The following KAZN variants were observed in gnomAD, a reference collection of about 807,000 sequenced individuals.
KAZN encodes the protein kazrin, periplakin interacting protein, also known as kazrin.
Under a neutral mutation model 87.4 loss-of-function variants are expected in KAZN, and 40 were observed. The observed-to-expected ratio is 0.46, with a 90% confidence interval of 0.36 to 0.60. The LOEUF (loss-of-function observed/expected upper bound fraction) is 0.60, where lower values mean the gene tolerates loss of function less well. Among genes scored for constraint, KAZN ranks in the 20% least tolerant of loss-of-function variants. The pLI, the probability that KAZN is intolerant of heterozygous loss-of-function variation, is 0.00. For missense variants in KAZN, 898 were observed against 1,073.9 expected, an observed-to-expected ratio of 0.84 and a Z score of 2.29; for synonymous variants, 466 against 458.3, an observed-to-expected ratio of 1.02 and a Z score of -0.22.
intron 2 of KAZN, among the ~76,000 whole-genome samples, chr1:14,530,970 G>A (rs925769655): frequency 6.6e-6 from 1 of 152,082 alleles, no homozygotes; most frequent in African/African-American, 2.4e-5. Context: ...CTACTCAAGA[G>A]GCTGAAGTGG....
Position 14,409,609 on chromosome 1 carries a change from C to T in KAZN, c.250-189374C>T, listed in dbSNP as rs573797892. On this transcript the variant is annotated intron_variant, in intron 2 of 16. Coordinates refer to the KAZN transcript ENST00000636203. ...ATATCCATGGGGAATCTATAAGAAG[C>T]CAACACAAAACGGCCAGAGAGACAT... Among the ~76,000 whole-genome samples the T allele has an allele frequency of 2.6e-5, 4 of 152,228 alleles. No homozygotes were observed. In the South Asian group the frequency reaches 8.3e-4, roughly 32 times the overall value.
chr1:14,311,938 C>T, intron 2 of KAZN, among the ~76,000 whole-genome samples: 1 of 152,030 alleles, frequency 6.6e-6, no homozygotes. Flanking sequence ...TGCCTAGATA[C>T]AAAAAGTAAA....
chr1:14,561,900 T>A (rs1172880524), intron 2 of KAZN, among the ~76,000 whole-genome samples: 1 of 143,674 alleles, frequency 7.0e-6, no homozygotes. Context: ...CAAAACTCCA[T>A]CTCAAAAAAA....
chr1:15,030,300 C>G (rs1252797142), intron 2 of KAZN, among the ~76,000 whole-genome samples: 3 of 152,106 alleles, frequency 2.0e-5, no homozygotes, highest in South Asian at 4.1e-4. Context: ...CAGAGTCTCA[C>G]TCTGTCTCCC....
At chr1:14,164,086 C>T (rs527347764) in intron 1 of KAZN, among the ~76,000 whole-genome samples, 10 of 152,320 alleles carry the variant, frequency 6.6e-5, no homozygotes, top group African/African-American at 2.4e-4. Flanking sequence ...ACTCTACTTC[C>T]AGGTATGAAA....
chr1:13,904,233 G>A (rs894113943), intron 1 of KAZN, among the ~76,000 whole-genome samples: 1 of 152,170 alleles, frequency 6.6e-6, no homozygotes, highest in African/African-American at 2.4e-5. Context: ...ACCTTCCTCA[G>A]CACAGAGGAA....
rs1030579176 is a variant in KAZN at position 14,945,492 on chromosome 1, G to T, written c.227-15192G>T. ...GAAAAATCCCAGATGGCGCCTTCTG[G>T]AAGCCCTAGCAGTCTCCGCACTGGC... is the stretch of plus-strand genomic sequence containing the variant. On this transcript the variant is annotated intron_variant, in intron 1 of 14. Transcript: ENST00000376030. Among the ~76,000 whole-genome samples, 3 of 152,146 alleles carry T rather than the reference G, an allele frequency of 2.0e-5. No individual in the cohort carries two copies. In the East Asian group the frequency reaches 5.8e-4, roughly 29 times the overall value.
intron 2 of KAZN, among the ~76,000 whole-genome samples, chr1:14,585,873 G>A (rs1675821733): frequency 6.6e-6 from 1 of 152,194 alleles, no homozygotes; most frequent in Non-Finnish European, 1.5e-5. Flanking sequence ...GGCTTCTGCT[G>A]ATTGTCTGTT....
chr1:14,065,834 A>G (rs1412974049), intron 1 of KAZN, among the ~76,000 whole-genome samples: 1 of 152,212 alleles, frequency 6.6e-6, no homozygotes, highest in Admixed American at 6.5e-5. Context: ...GAATATATAT[A>G]TAGGGTACAA....
At chr1:14,401,463 C>T (rs1173079719) in intron 2 of KAZN, among the ~76,000 whole-genome samples, 1 of 151,786 alleles carries the variant, frequency 6.6e-6, no homozygotes, top group East Asian at 1.9e-4. Context: ...ATTAAAATAA[C>T]TACATTGTCA....
Position 14,338,294 on chromosome 1 carries a change from C to T in KAZN, c.249+157702C>T, listed in dbSNP as rs902902345. 3.4e-5 allele frequency among the ~76,000 whole-genome samples: 5 copies of T among 145,558 alleles called. No individual in the cohort carries two copies. In the East Asian group the frequency reaches 8.1e-4, roughly 24 times the overall value. ...CTTGAGACTAGCCTGGCCAACATGGCGAAACCCCATCTCCACTAAAGAAAA... is the reference window on the plus strand; with the variant it reads ...CTTGAGACTAGCCTGGCCAACATGGTGAAACCCCATCTCCACTAAAGAAAA... On this transcript the variant is annotated intron_variant, in intron 2 of 16. Transcript: ENST00000636203.
chr1:14,244,690 G>T (rs1407224086), intron 2 of KAZN, among the ~76,000 whole-genome samples: 1 of 152,044 alleles, frequency 6.6e-6, no homozygotes, highest in East Asian at 1.9e-4. Flanking sequence ...GAACATTCCA[G>T]GCAGAGAGAA....
At position 14,735,217 on chromosome 1, in the gene KAZN, G is replaced by C. The variant is rs562473232; in HGVS notation, c.226+135994G>C. Among the ~76,000 whole-genome samples, 111 of 152,260 alleles carry C rather than the reference G, an allele frequency of 7.3e-4. No homozygotes were observed. The highest frequency in any genetic ancestry group is 2.5e-3 in the African/African-American group (104 of 41,552). On this transcript the variant is annotated intron_variant, in intron 1 of 14. Transcript: ENST00000376030. The surrounding 1 kb of genome is among the most constrained non-coding windows in gnomAD (Gnocchi z 4.3). Reference sequence around the variant, plus strand: ...TGGGACTACAGGCACCCGCCACCATGCCCGGCTAATTTTTTTGTATTTTTA... The same window carrying C: ...TGGGACTACAGGCACCCGCCACCATCCCCGGCTAATTTTTTTGTATTTTTA...
At chr1:14,604,586 A>G (rs1226736348) in intron 1 of KAZN, among the ~76,000 whole-genome samples, 1 of 152,228 alleles carries the variant, frequency 6.6e-6, no homozygotes, top group Non-Finnish European at 1.5e-5. Context: ...ACCCCCTTGG[A>G]GTCCTAGGCT....
At chr1:13,952,334 G>GATAATA (rs35005409) in intron 1 of KAZN, among the ~76,000 whole-genome samples, 88 of 143,078 alleles carry the variant, frequency 6.2e-4, no homozygotes, top group Middle Eastern at 3.7e-3. Context: ...ATAAAATGGA[G>GATAATA]ATAATAATAA....
chr1:15,001,465 C>CA (rs35048403), intron 2 of KAZN, among the ~76,000 whole-genome samples: 1,272 of 125,002 alleles, frequency 0.01, 12 homozygotes, highest in African/African-American at 0.031. Context: ...AAATCTGTCT[C>CA]AAAAAAAAAA....
rs79825472 is a variant in KAZN, at chr1:14,573,349, G to A, written c.250-25634G>A. On this transcript the variant is annotated intron_variant, in intron 2 of 16. Coordinates refer to the KAZN transcript ENST00000636203. Reference sequence around the variant, plus strand: ...TACACCTCTTTTCTACAAAATGGAAGCATTAGAATACACTAAAACCCGGGC... The same window carrying A: ...TACACCTCTTTTCTACAAAATGGAAACATTAGAATACACTAAAACCCGGGC... 3.6e-3 allele frequency among the ~76,000 whole-genome samples: 547 copies of A among 152,222 alleles called. 10 individuals carry two copies. Among genetic ancestry groups the A allele is most frequent in the East Asian group, 0.019 (99 of 5,174 alleles).
intron 1 of KAZN, 82 bp from the exon 2 acceptor site, chr1:14,960,602 A>G (rs1315755710): frequency 6.9e-7 from 1 of 1,454,764 alleles, no homozygotes; most frequent in Non-Finnish European, 9.3e-7. Flanking sequence ...AAAAAGCCAA[A>G]GCCACCTCAA....
At chr1:14,730,179 G>A (rs1251111993) in intron 1 of KAZN, among the ~76,000 whole-genome samples, 3 of 152,098 alleles carry the variant, frequency 2.0e-5, no homozygotes, top group Admixed American at 1.3e-4. Context: ...TGCCTCCCGG[G>A]TTCAAGCGAT....
Sources: gnomAD v4.1 joint callset for allele counts (sites outside exome capture counted in the v4.1 genomes callset) on GRCh38, gnomAD v4.1.1 for gene constraint, Gnocchi (gnomAD v3.1) non-coding constraint, MANE v1.5 for transcripts, NCBI Gene and HGNC (gene_info 2026-07-23, HGNC 2026-07-21) for gene names.